ARHGAP42: variants seen among roughly 807,000 people sequenced by gnomAD.
ARHGAP42 encodes rho GTPase-activating protein 42.
In ARHGAP42, 63 loss-of-function variants were observed where a neutral mutation model predicts 125.0. The observed-to-expected ratio is 0.50, with a 90% CI of 0.41 to 0.62. The LOEUF (loss-of-function observed/expected upper bound fraction) is 0.62. Ranked by LOEUF, ARHGAP42 falls within the 20% of genes least tolerant of loss-of-function variation. The pLI, the probability that ARHGAP42 is intolerant of heterozygous loss-of-function variation, is 0.00. For missense variants in ARHGAP42, 766 were observed against 1,024.2 expected, an observed-to-expected ratio of 0.75 and a Z score of 3.44; for synonymous variants, 339 against 351.0, an observed-to-expected ratio of 0.97 and a Z score of 0.38.
chr11:100,821,321 G>C (rs1864400560), intron 3 of ARHGAP42, among the ~76,000 whole-genome samples: 1 of 152,128 alleles, frequency 6.6e-6, no homozygotes, highest in Non-Finnish European at 1.5e-5. Context: ...GTGGGTCAGA[G>C]CTGAGGAAAT....
At position 100,697,472 on chromosome 11, in the gene ARHGAP42, G is replaced by C. The variant is rs552403027; in HGVS notation, c.154+9640G>C. 1.3e-4 allele frequency among the ~76,000 whole-genome samples: 20 copies of C among 152,240 alleles called. No individual in the cohort carries two copies. In the South Asian group the frequency reaches 2.7e-3, roughly 20 times the overall value. ...GCTGGGATTACAGGCGTGAGCCACC[G>C]CGCCCGGCCAATCAGTAGTGGAATT... is the stretch of plus-strand genomic sequence containing the variant. On this transcript the variant is annotated intron_variant, in intron 1 of 23. Coordinates refer to ENST00000298815, the MANE Select transcript of ARHGAP42 (RefSeq NM_152432.4).
At chr11:100,983,383 T>C (rs1029559322) in intron 22 of ARHGAP42, among the ~76,000 whole-genome samples, 1 of 152,226 alleles carries the variant, frequency 6.6e-6, no homozygotes, top group African/African-American at 2.4e-5. Flanking sequence ...AATAAATGAA[T>C]TGTCATATAC....
At chr11:100,707,808 G>A (rs1300161004) in intron 1 of ARHGAP42, among the ~76,000 whole-genome samples, 1 of 152,164 alleles carries the variant, frequency 6.6e-6, no homozygotes, top group African/African-American at 2.4e-5. Context: ...TGCAAATATG[G>A]TATACATGTT....
intron 22 of ARHGAP42, among the ~76,000 whole-genome samples, chr11:100,981,631 T>A (rs1858548348): frequency 6.6e-6 from 1 of 152,180 alleles, no homozygotes; most frequent in Non-Finnish European, 1.5e-5. Context: ...AACACAGGGG[T>A]GATCTAATCT....
chr11:100,973,370 A>G, intron 18 of ARHGAP42, 36 bp downstream of exon 18: 1 of 1,542,732 alleles, frequency 6.5e-7, no homozygotes, highest in Non-Finnish European at 8.7e-7. Context: ...GTCAAGTTTT[A>G]TATCTTGGTT....
intron 3 of ARHGAP42, among the ~76,000 whole-genome samples, chr11:100,857,387 T>A (rs1238882231): frequency 6.6e-6 from 1 of 152,112 alleles, no homozygotes; most frequent in Non-Finnish European, 1.5e-5. Context: ...CATATGTATG[T>A]AACAGTGAGA....
rs117107294 is a variant in ARHGAP42 at position 100,764,488 on chromosome 11, G to T, written c.155-5855G>T. On this transcript the variant is annotated intron_variant, in intron 1 of 23. Coordinates refer to ENST00000298815, the MANE Select transcript of ARHGAP42 (RefSeq NM_152432.4). ...AGAGCACTGGCCCTCATAGCTTTGTGTAAGATTTAAGTATGTAAGAACTTT... is the reference window on the plus strand; with the variant it reads ...AGAGCACTGGCCCTCATAGCTTTGTTTAAGATTTAAGTATGTAAGAACTTT... 4.3e-4 allele frequency among the ~76,000 whole-genome samples: 65 copies of T among 152,288 alleles called. 1 individual carries two copies. The East Asian group carries it at 0.012, about 28-fold the overall frequency.
intron 1 of ARHGAP42, among the ~76,000 whole-genome samples, chr11:100,692,622 G>C (rs565745938): frequency 6.6e-6 from 1 of 152,116 alleles, no homozygotes; most frequent in Non-Finnish European, 1.5e-5. Context: ...GGTAGCAGTT[G>C]TTCCTGGCAC....
At chr11:100,874,352 A>C (rs1033934202) in intron 4 of ARHGAP42, among the ~76,000 whole-genome samples, 1 of 152,194 alleles carries the variant, frequency 6.6e-6, no homozygotes, top group African/African-American at 2.4e-5. Flanking sequence ...CTGGTAATTA[A>C]ACCTCAGCAT....
At chr11:100,863,601 A>G (rs1297531752) in intron 4 of ARHGAP42, among the ~76,000 whole-genome samples, 3 of 152,238 alleles carry the variant, frequency 2.0e-5, no homozygotes, top group African/African-American at 4.8e-5. Flanking sequence ...TGTGAGAGGC[A>G]TTAGAAAAGA....
chr11:100,954,751 C>A (rs1018260529), intron 12 of ARHGAP42, among the ~76,000 whole-genome samples: 8 of 152,040 alleles, frequency 5.3e-5, no homozygotes, highest in African/African-American at 1.9e-4. Context: ...ATGGGCAGAG[C>A]AGAATGAAAG....
At position 100,714,356 on chromosome 11, in the gene ARHGAP42, T is replaced by C. The variant is rs1431143214; in HGVS notation, c.154+26524T>C. On this transcript the variant is annotated intron_variant, in intron 1 of 23. Transcript: ENST00000298815. ...TTCAAAGGGCTAACAGGGAATTGAATTTTAGGTTCACTTACATGTAAAACA... is the reference window on the plus strand; with the variant it reads ...TTCAAAGGGCTAACAGGGAATTGAACTTTAGGTTCACTTACATGTAAAACA... 3.3e-5 allele frequency among the ~76,000 whole-genome samples: 5 copies of C among 151,820 alleles called. No individual in the cohort carries two copies. The East Asian group carries it at 9.7e-4, about 29-fold the overall frequency.
At chr11:100,895,493 C>CTTTTTTTTT (rs55789058) in intron 4 of ARHGAP42, among the ~76,000 whole-genome samples, 1 of 123,484 alleles carries the variant, frequency 8.1e-6, no homozygotes, top group Non-Finnish European at 1.7e-5. Flanking sequence ...AAAAGAGCAA[C>CTTTTTTTTT]TTTTTTTTTT....
At chr11:100,857,524 G>T (rs1012173472) in intron 3 of ARHGAP42, among the ~76,000 whole-genome samples, 1 of 152,020 alleles carries the variant, frequency 6.6e-6, no homozygotes, top group African/African-American at 2.4e-5. Context: ...ATATTTATTA[G>T]TTCTGCCAAT....
At chr11:100,828,035 G>A (rs533837013) in intron 3 of ARHGAP42, among the ~76,000 whole-genome samples, 36 of 152,302 alleles carry the variant, frequency 2.4e-4, no homozygotes, top group Admixed American at 2.1e-3. Context: ...AGCAGGTGAA[G>A]GACTGCTGCC....
rs939424109 is a variant in ARHGAP42, at chr11:100,959,863, G to A, written c.1163-20G>A. 23 of 1,550,096 alleles carry A rather than the reference G, an allele frequency of 1.5e-5. No individual in the cohort carries two copies. Among genetic ancestry groups the A allele is most frequent in the African/African-American group, 1.1e-4 (8 of 72,992 alleles). Reference sequence around the variant, plus strand: ...TGAGTTCAGCGTAAACACCTAATGCGATTTCTCTCTTATTTTCAGTGTATT... The same window carrying A: ...TGAGTTCAGCGTAAACACCTAATGCAATTTCTCTCTTATTTTCAGTGTATT... On this transcript the variant is annotated intron_variant, in intron 12 of 23. Coordinates refer to ENST00000298815, the MANE Select transcript of ARHGAP42 (RefSeq NM_152432.4).
At chr11:100,880,200 C>T (rs766764373) in intron 4 of ARHGAP42, among the ~76,000 whole-genome samples, 8 of 152,170 alleles carry the variant, frequency 5.3e-5, no homozygotes, top group African/African-American at 1.9e-4. Flanking sequence ...GTGCATCCAT[C>T]ACCCAAGCAG....
chr11:100,903,023 A>G (rs1027994419), intron 4 of ARHGAP42, among the ~76,000 whole-genome samples: 2 of 151,662 alleles, frequency 1.3e-5, no homozygotes, highest in African/African-American at 4.8e-5. Context: ...CTGGCTCCTC[A>G]CGCTGCTGTG....
At chr11:100,951,596 G>T (rs569243252) in intron 12 of ARHGAP42, among the ~76,000 whole-genome samples, 3 of 152,152 alleles carry the variant, frequency 2.0e-5, no homozygotes, top group Admixed American at 2.0e-4. Flanking sequence ...CTGAATGGTG[G>T]CATAGTCAAG....
Sources: allele counts gnomAD v4.1 joint callset (sites outside exome capture counted in the v4.1 genomes callset), GRCh38; gene constraint gnomAD v4.1.1; transcripts MANE v1.5; gene names NCBI Gene and HGNC (gene_info 2026-07-23, HGNC 2026-07-21).